The following TMC1 variants were observed in gnomAD, a reference collection of about 807,000 sequenced individuals.
TMC1 encodes the protein transmembrane channel like 1.
Under a neutral mutation model 105.8 loss-of-function variants are expected in TMC1, and 84 were observed. That is an observed-to-expected ratio of 0.79 (90% confidence interval 0.67 to 0.95). TMC1 has a LOEUF of 0.95. TMC1 is among the 40% of genes least tolerant of loss of function. The pLI is 0.00. For synonymous variants in TMC1, 315 were observed against 311.5 expected (o/e 1.01, Z -0.12); for missense variants, 817 against 914.1 (o/e 0.89, Z 1.37).
chr9:72,806,199 C>T (rs190907447), intron 18 of TMC1, among the ~76,000 whole-genome samples: 214 of 130,416 alleles, frequency 1.6e-3, no homozygotes, highest in Non-Finnish European at 2.3e-3. Context: ...CCCTCCCGGA[C>T]GGGGCGGCTG....
rs548348693 is a variant in TMC1 at position 72,536,396 on chromosome 9, G to C, written c.-428+14483G>C. On this transcript the variant is annotated intron_variant, in intron 1 of 23. Transcript: ENST00000297784. ...CACCCAGGCTGGAGTGCAGTGGTGC[G>C]ATCTCGGCTCACTGCAAGCTCTGCC... 3.5e-4 allele frequency among the ~76,000 whole-genome samples: 54 copies of C among 152,194 alleles called. 1 individual carries two copies. The highest frequency in any genetic ancestry group is 6.8e-3 in the Middle Eastern group (2 of 294).
intron 4 of TMC1, among the ~76,000 whole-genome samples, chr9:72,645,661 C>T (rs554439244): frequency 6.6e-6 from 1 of 152,316 alleles, no homozygotes; most frequent in East Asian, 1.9e-4. Context: ...TCCACCATGA[C>T]AATGTTCCTG....
chr9:72,621,088 T>G (rs1825240521), intron 3 of TMC1, among the ~76,000 whole-genome samples: 1 of 152,200 alleles, frequency 6.6e-6, no homozygotes, highest in Non-Finnish European at 1.5e-5. Context: ...CCTTATTCCT[T>G]ATGTCTTTTC....
intron 1 of TMC1, among the ~76,000 whole-genome samples, chr9:72,550,045 G>A (rs1823835438): frequency 6.6e-6 from 1 of 151,904 alleles, no homozygotes; most frequent in African/African-American, 2.4e-5. Context: ...ACTGTGCCCA[G>A]CTCATATTAC....
intron 8 of TMC1, among the ~76,000 whole-genome samples, chr9:72,734,495 G>A (rs1827265355): frequency 6.6e-6 from 1 of 151,838 alleles, no homozygotes; most frequent in African/African-American, 2.4e-5. Flanking sequence ...TCCAGTATTT[G>A]GGATGATTTT....
At chr9:72,808,241 A>G (rs1828636293) in intron 18 of TMC1, among the ~76,000 whole-genome samples, 1 of 152,070 alleles carries the variant, frequency 6.6e-6, no homozygotes, top group African/African-American at 2.4e-5. Context: ...GCTTCTTTTT[A>G]TGCTCAAACA....
intron 2 of TMC1, among the ~76,000 whole-genome samples, chr9:72,584,568 A>G (rs1037885474): frequency 4.0e-5 from 6 of 151,848 alleles, no homozygotes; most frequent in Non-Finnish European, 8.8e-5. Context: ...CACCCAGCAT[A>G]ATGTCATCAA....
chr9:72,825,695 C>A (rs1036047465), intron 20 of TMC1, among the ~76,000 whole-genome samples: 1 of 152,104 alleles, frequency 6.6e-6, no homozygotes, highest in African/African-American at 2.4e-5. Context: ...ATCCTGTATT[C>A]CATCTGGCTG....
At chr9:72,648,209 T>C (rs555315297) in intron 4 of TMC1, among the ~76,000 whole-genome samples, 1 of 152,184 alleles carries the variant, frequency 6.6e-6, no homozygotes, top group East Asian at 1.9e-4. Context: ...GCACACTTAG[T>C]GGCTGGTATT....
intron 8 of TMC1, among the ~76,000 whole-genome samples, chr9:72,729,605 A>T (rs1827174739): frequency 6.6e-6 from 1 of 152,152 alleles, no homozygotes. Context: ...TCTTCCAATA[A>T]TTGCTAGGCC....
chr9:72,632,272 T>C (rs2132136370), intron 4 of TMC1, among the ~76,000 whole-genome samples: 1 of 152,304 alleles, frequency 6.6e-6, no homozygotes, highest in Admixed American at 6.5e-5. Flanking sequence ...AGAACTCACT[T>C]ATCATGAGGA....
intron 2 of TMC1, among the ~76,000 whole-genome samples, chr9:72,579,833 G>C (rs1824446340): frequency 6.6e-6 from 1 of 152,010 alleles, no homozygotes; most frequent in Admixed American, 6.6e-5. Context: ...ACCAGCCTGG[G>C]CAACATGGCA....
intron 1 of TMC1, among the ~76,000 whole-genome samples, chr9:72,545,561 C>G (rs1823752990): frequency 6.6e-6 from 1 of 152,158 alleles, no homozygotes; most frequent in African/African-American, 2.4e-5. Context: ...CATCTTGGCT[C>G]ACTGCAACCT....
At chr9:72,540,044 A>G (rs1358393867) in intron 1 of TMC1, among the ~76,000 whole-genome samples, 2 of 151,792 alleles carry the variant, frequency 1.3e-5, no homozygotes, top group African/African-American at 2.4e-5. Flanking sequence ...TCTTTTTAAC[A>G]GAGGTACAGG....
chr9:72,557,045 A>G (rs1421968548), intron 1 of TMC1, among the ~76,000 whole-genome samples: 1 of 152,102 alleles, frequency 6.6e-6, no homozygotes, highest in African/African-American at 2.4e-5. Flanking sequence ...CAAAATGTCA[A>G]TTGTTTTTTG....
At chr9:72,663,758 A>G (rs2132162876) in intron 5 of TMC1, among the ~76,000 whole-genome samples, 1 of 150,924 alleles carries the variant, frequency 6.6e-6, no homozygotes, top group East Asian at 1.9e-4. Context: ...TAAGTTTTTT[A>G]CTTTTTGAAG....
intron 10 of TMC1, among the ~76,000 whole-genome samples, 162 bp from the exon 11 acceptor site, chr9:72,751,688 C>T (rs1827582188): frequency 6.6e-6 from 1 of 152,196 alleles, no homozygotes; most frequent in Non-Finnish European, 1.5e-5. Flanking sequence ...TTAACATTTT[C>T]TCTTCCTGAA....
intron 12 of TMC1, among the ~76,000 whole-genome samples, chr9:72,757,646 C>G (rs1827694198): frequency 6.6e-6 from 1 of 152,130 alleles, no homozygotes; most frequent in Admixed American, 6.5e-5. Flanking sequence ...TTTTAAGTAG[C>G]CTTGTTCATG....
chr9:72,756,380 G>A (rs76856424), intron 12 of TMC1, among the ~76,000 whole-genome samples: 85 of 152,090 alleles, frequency 5.6e-4, no homozygotes, highest in Non-Finnish European at 1.1e-3. Flanking sequence ...CTTCTTAGGC[G>A]GGTCTGGGTT....
Sources: gnomAD v4.1 joint callset for allele counts (sites outside exome capture counted in the v4.1 genomes callset) on GRCh38, gnomAD v4.1.1 for gene constraint, MANE v1.5 for transcripts, NCBI Gene and HGNC (gene_info 2026-07-23, HGNC 2026-07-21) for gene names.